CLC: variants seen among roughly 807,000 people sequenced by gnomAD.
The protein encoded by CLC is Charcot-Leyden crystal galectin.
CLC carries 15 observed loss-of-function variants against 13.9 expected under a neutral mutation model. The ratio of observed to expected loss-of-function variants is 1.08; its 90% CI spans 0.72 to 1.66. CLC has a LOEUF of 1.66. Among genes scored for constraint, CLC ranks in the 40% most tolerant of loss-of-function variants. The pLI, the probability that CLC is intolerant of heterozygous loss-of-function variation, is 0.00. For synonymous variants in CLC, 68 were observed against 59.9 expected, an observed-to-expected ratio of 1.14 and a Z score of -0.63; for missense variants, 161 against 169.1, an observed-to-expected ratio of 0.95 and a Z score of 0.27.
At chr19:39,736,648 G>C (rs554678304) in intron 1 of CLC, among the ~76,000 whole-genome samples, 1 of 152,114 alleles carries the variant, frequency 6.6e-6, no homozygotes, top group African/African-American at 2.4e-5. Context: ...GGTGGCACAA[G>C]CCTGTAATCC....
At chr19:39,731,611 C>G (rs1407802784) in intron 3 of CLC, 106 bp from the exon 4 acceptor site, 40 of 1,218,422 alleles carry the variant, frequency 3.3e-5, no homozygotes, top group Non-Finnish European at 1.9e-5. Flanking sequence ...CAGAAAATGC[C>G]TCATTATATA....
chr19:39,737,392 G>C (rs1026214081), intron 1 of CLC, among the ~76,000 whole-genome samples: 2 of 151,936 alleles, frequency 1.3e-5, no homozygotes, highest in Non-Finnish European at 2.9e-5. Flanking sequence ...ACAGAGTACT[G>C]CTATGTGGGG....
chr19:39,737,168 C>G (rs918938166), intron 1 of CLC, among the ~76,000 whole-genome samples: 13 of 151,934 alleles, frequency 8.6e-5, no homozygotes, highest in African/African-American at 3.1e-4. Context: ...AGGCTGGAGG[C>G]AGGAGCCAGT....
chr19:39,734,192 GA>G, intron 3 of CLC, 90 bp downstream of exon 3: 1 of 1,448,088 alleles, frequency 6.9e-7, no homozygotes, highest in Non-Finnish European at 9.4e-7. Flanking sequence ...GCCGGGGACA[GA>G]GGGAGTTATC....
intron 3 of CLC, among the ~76,000 whole-genome samples, chr19:39,731,760 C>T (rs1967229389): frequency 6.6e-6 from 1 of 152,192 alleles, no homozygotes; most frequent in African/African-American, 2.4e-5. Flanking sequence ...GCCATATTTG[C>T]TCAGCCTCCC....
intron 2 of CLC, among the ~76,000 whole-genome samples, chr19:39,734,722 T>G (rs1357097056): frequency 6.6e-6 from 1 of 152,232 alleles, no homozygotes; most frequent in African/African-American, 2.4e-5. Context: ...CTTGGTCATA[T>G]GAATTGCCCA....
At chr19:39,736,232 A>G (rs1249457609) in intron 1 of CLC, among the ~76,000 whole-genome samples, 1 of 151,540 alleles carries the variant, frequency 6.6e-6, no homozygotes, top group Non-Finnish European at 1.5e-5. Flanking sequence ...TTGTTGAAAG[A>G]GAGAGGGAAA....
At chr19:39,736,819 T>C (rs1290522343) in intron 1 of CLC, among the ~76,000 whole-genome samples, 1 of 151,546 alleles carries the variant, frequency 6.6e-6, no homozygotes, top group African/African-American at 2.4e-5. Flanking sequence ...GGCCTGGGCT[T>C]CAGTGAACCT....
chr19:39,736,827 C>T (rs1967320842), intron 1 of CLC, among the ~76,000 whole-genome samples: 1 of 151,640 alleles, frequency 6.6e-6, no homozygotes, highest in South Asian at 2.1e-4. Flanking sequence ...CTTCAGTGAA[C>T]CTCTTGCATA....
At chr19:39,731,555 C>A in intron 3 of CLC, 50 bp from the exon 4 acceptor site, 1 of 1,560,106 alleles carries the variant, frequency 6.4e-7, no homozygotes, top group Non-Finnish European at 8.7e-7. Flanking sequence ...ACCAAACAAG[C>A]TTTCAGCCTG....
intron 1 of CLC, among the ~76,000 whole-genome samples, chr19:39,737,661 C>T (rs1967333480): frequency 6.6e-6 from 1 of 152,076 alleles, no homozygotes; most frequent in Admixed American, 6.6e-5. Flanking sequence ...GGGCCATACA[C>T]ATCCCGTCTA....
intron 2 of CLC, among the ~76,000 whole-genome samples, 196 bp downstream of exon 2, chr19:39,734,801 C>T (rs1967284119): frequency 6.6e-6 from 1 of 152,130 alleles, no homozygotes; most frequent in South Asian, 2.1e-4. Context: ...GTCCTTTACT[C>T]CTAGACCCAT....
chr19:39,731,269 G>T lies in CLC; in HGVS notation c.*111C>A. On this transcript the variant is annotated 3_prime_UTR_variant, in exon 4 of 4. Transcript: ENST00000221804. ...ACCAAATTCTGTGAAGTTTGATTAA[G>T]TTTTAATGAGCAGGAGTAAGGATTG... 1 of 1,221,728 alleles carries T rather than the reference G, an allele frequency of 8.2e-7. No individual in the cohort carries two copies. The highest frequency in any genetic ancestry group is 1.2e-6 in the Non-Finnish European group (1 of 848,566). 75.7% of individuals were successfully genotyped at this position (1,221,728 alleles called of 1,614,324 possible). A position where few individuals can be genotyped will look rare whatever the true frequency, so the allele number is the denominator to read the frequency against.
chr19:39,736,547 G>A (rs1053239053), intron 1 of CLC, among the ~76,000 whole-genome samples: 6 of 152,088 alleles, frequency 3.9e-5, no homozygotes, highest in African/African-American at 1.2e-4. Context: ...GGCCAAGGTG[G>A]GTGCATCACT....
Position 39,735,083 on chromosome 19 carries a change from G to T in CLC, c.16-10C>A. On this transcript the variant is annotated splice_polypyrimidine_tract_variant and intron_variant, in intron 1 of 3. Coordinates refer to ENST00000221804, the MANE Select transcript of CLC (RefSeq NM_001828.6). ...CCTCTGTGTATGGCACCTGCCAGGGGATTGAGAGTGGGTGAGAGAGGCAGG... is the reference window on the plus strand; with the variant it reads ...CCTCTGTGTATGGCACCTGCCAGGGTATTGAGAGTGGGTGAGAGAGGCAGG... 1 of 1,609,058 alleles carries T rather than the reference G, an allele frequency of 6.2e-7. No individual in the cohort carries two copies. Among genetic ancestry groups the T allele is most frequent in the Non-Finnish European group, 8.5e-7 (1 of 1,175,498 alleles).
rs867815874 is a variant in CLC, at chr19:39,733,460, A to G, written c.303+823T>C. 2.0e-5 allele frequency among the ~76,000 whole-genome samples: 3 copies of G among 152,312 alleles called. No individual in the cohort carries two copies. The South Asian group carries it at 6.2e-4, about 32-fold the overall frequency. ...TCATGTTCCAATATAAATAGGGAAAAGTTGGCAATGAAAAAAGGGTTGATT... is the reference window on the plus strand; with the variant it reads ...TCATGTTCCAATATAAATAGGGAAAGGTTGGCAATGAAAAAAGGGTTGATT... On this transcript the variant is annotated intron_variant, in intron 3 of 3. Coordinates refer to ENST00000221804, the MANE Select transcript of CLC (RefSeq NM_001828.6).
intron 2 of CLC, among the ~76,000 whole-genome samples, chr19:39,734,694 C>T (rs1252971192): frequency 6.6e-6 from 1 of 152,186 alleles, no homozygotes; most frequent in Admixed American, 6.5e-5. Flanking sequence ...CAGATGGAAA[C>T]TGAGCCATAG....
chr19:39,734,357 C>T lies in CLC; in HGVS notation c.229G>A (p.Glu77Lys). The change falls in exon 3 of 4, where the codon GAA becomes AAA. Residue 77 changes from glutamate (E) to lysine (K), a missense_variant. Physicochemically the swap from Glu to Lys is moderately conservative, Grantham distance 56. Transcript: ENST00000221804. Reference sequence around the variant, plus strand: ...TCCTGAAAGGGCATATTCTTGGATTCCACCTGCTGCTTCCAGGCCCCATAC... The same window carrying T: ...TCCTGAAAGGGCATATTCTTGGATTTCACCTGCTGCTTCCAGGCCCCATAC... ...REYGAWKQQVESKNMPFQDGQ... is the reference protein window; with the variant it reads ...REYGAWKQQVKSKNMPFQDGQ... The T allele has an allele frequency of 6.2e-7, 1 of 1,614,078 alleles. No individual in the cohort carries two copies. The highest frequency in any genetic ancestry group is 8.5e-7 in the Non-Finnish European group (1 of 1,179,976).
chr19:39,734,594 CTTG>C (rs1365743819), intron 2 of CLC, 101 bp from the exon 3 acceptor site: 1 of 987,888 alleles, frequency 1.0e-6, no homozygotes, highest in Non-Finnish European at 1.6e-6. Context: ...CGAGCAAAGA[CTTG>C]TTGGTATTCT....
Sources: gnomAD v4.1 joint callset for allele counts (sites outside exome capture counted in the v4.1 genomes callset) on GRCh38, gnomAD v4.1.1 for gene constraint, MANE v1.5 for transcripts, NCBI Gene and HGNC (gene_info 2026-07-23, HGNC 2026-07-21) for gene names.